GALK1: variants seen among roughly 807,000 people sequenced by gnomAD.
The protein encoded by GALK1 is galactokinase 1.
In GALK1, 30 loss-of-function variants were observed where a neutral mutation model predicts 38.6. The ratio of observed to expected loss-of-function variants is 0.78; its 90% CI spans 0.58 to 1.05. The LOEUF is 1.05. GALK1 is among the 50% of genes least tolerant of loss of function. The pLI is 0.00. For missense variants in GALK1, 512 were observed against 540.5 expected (o/e 0.95, Z 0.52); for synonymous variants, 240 against 233.6 (o/e 1.03, Z -0.25).
chr17:75,754,688 G>C (rs2061446220), downstream of GALK1: 8 of 1,614,070 alleles, frequency 5.0e-6, no homozygotes, highest in East Asian at 2.2e-5. Flanking sequence ...GCCCACACGT[G>C]CCCCACCGCG....
At chr17:75,756,769 G>A (rs12600339), downstream of GALK1, 5 of 1,612,840 alleles carry the variant, frequency 3.1e-6, no homozygotes, top group Non-Finnish European at 4.2e-6. Flanking sequence ...CCTGAGCCCA[G>A]ACTCGCTGCA....
At chr17:75,755,234 C>G, downstream of GALK1, 2 of 1,595,108 alleles carry the variant, frequency 1.3e-6, no homozygotes, top group Non-Finnish European at 1.7e-6. Context: ...GGTGGCCATC[C>G]TGTCTCCACA....
intron 8 of GALK1, chr17:75,752,107 T>G (rs2061379821): frequency 1.3e-6 from 2 of 1,528,290 alleles, no homozygotes; most frequent in Non-Finnish European, 1.8e-6. Context: ...CGTCCTGCTG[T>G]GTCAGGGGTG....
chr17:75,764,584 G>C (rs1291900198), intron 1 of GALK1: 2 of 449,668 alleles, frequency 4.4e-6, no homozygotes, highest in Non-Finnish European at 8.6e-6. Flanking sequence ...TGAACGGGCT[G>C]GGCCAGAAGG....
intron 4 of GALK1, 42 bp downstream of exon 4, chr17:75,762,972 G>A: frequency 6.2e-7 from 1 of 1,611,852 alleles, no homozygotes. Context: ...CCCAGGAGCT[G>A]CTGAGTGCAG....
rs767156604 is a variant in GALK1, at chr17:75,763,413, C to T, written c.382G>A (p.Val128Met). 1.2e-5 allele frequency: 20 copies of T among 1,610,054 alleles called. No homozygotes were observed. The highest frequency in any genetic ancestry group is 1.1e-4 in the East Asian group (5 of 44,710). Reference sequence around the variant, plus strand: ...CCCAGGGGCACTGAGCTGACCACCACTGCACTGAAGCCAGGGAGGGGGGCA... The same window carrying T: ...CCCAGGGGCACTGAGCTGACCACCATTGCACTGAAGCCAGGGAGGGGGGCA... ...PAAPLPGFSA[V>M]VVSSVPLGGG... is the part of the protein sequence containing the mutation. Residue 128 changes from valine (V) to methionine (M), a missense_variant, in exon 3 of 8, where the codon GTG becomes ATG. Val to Met is a conservative substitution (Grantham distance 21, BLOSUM62 1). Coordinates refer to ENST00000588479, the MANE Select transcript of GALK1 (RefSeq NM_000154.2).
Position 75,763,924 on chromosome 17 carries a change from C to CA in GALK1, c.327dup (p.Val110CysfsTer93). 1 of 1,613,832 alleles carries CA rather than the reference C, an allele frequency of 6.2e-7. No individual in the cohort carries two copies. Among genetic ancestry groups the CA allele is most frequent in the Non-Finnish European group, 8.5e-7 (1 of 1,179,994 alleles). ...GGGTAGTACTGAATCACTCCCTTGACATAGTTGGCCCACCGAGGAGTCCCA... is the reference window on the plus strand; with the variant it reads ...GGGTAGTACTGAATCACTCCCTTGACAATAGTTGGCCCACCGAGGAGTCCCA... On this transcript the variant is annotated frameshift_variant, in exon 2 of 8. Coordinates refer to ENST00000588479, the MANE Select transcript of GALK1 (RefSeq NM_000154.2). LOFTEE classifies it high-confidence loss of function.
chr17:75,753,969 C>T, downstream of GALK1: 1 of 1,258,460 alleles, frequency 7.9e-7, no homozygotes, highest in Non-Finnish European at 1.0e-6. Flanking sequence ...CCCGGGCCCC[C>T]CGGAGGTGAC....
chr17:75,755,195 G>T (rs1416322589), downstream of GALK1: 2 of 1,604,872 alleles, frequency 1.2e-6, no homozygotes, highest in South Asian at 1.1e-5. Context: ...GAGGCCAGCA[G>T]CGCCCTCCTG....
downstream of GALK1, chr17:75,756,397 CACT>C: frequency 6.2e-7 from 1 of 1,610,494 alleles, no homozygotes; most frequent in Non-Finnish European, 8.5e-7. Flanking sequence ...AGTAACACTG[CACT>C]ACTGTGTGCC....
intron 5 of GALK1, among the ~76,000 whole-genome samples, chr17:75,761,403 C>T (rs1054949469): frequency 2.0e-5 from 3 of 151,190 alleles, no homozygotes; most frequent in Admixed American, 6.6e-5. Flanking sequence ...GGGCAGATCA[C>T]GAGATCAGGA....
intron 5 of GALK1, among the ~76,000 whole-genome samples, chr17:75,761,717 T>A (rs2061588123): frequency 6.8e-6 from 1 of 147,782 alleles, no homozygotes; most frequent in Non-Finnish European, 1.5e-5. Context: ...TATGTTTAGT[T>A]TAAAAAAAAA....
downstream of GALK1, chr17:75,755,590 C>CGGTCA (rs2061478512): frequency 7.3e-7 from 1 of 1,377,314 alleles, no homozygotes; most frequent in African/African-American, 1.4e-5. Context: ...GTCCAGCCAG[C>CGGTCA]GGTCAGTGTA....
At position 75,765,152 on chromosome 17, in the gene GALK1, C is replaced by G. The variant is rs1210917595; in HGVS notation, c.-16G>C. The G allele has an allele frequency of 2.0e-6, 3 of 1,524,824 alleles. No individual in the cohort carries two copies. Among genetic ancestry groups the G allele is most frequent in the Non-Finnish European group, 2.6e-6 (3 of 1,139,606 alleles). The allele number at this position is 1,524,824 out of a possible 1,614,324, so 94.5% of individuals were successfully genotyped here. A position where few individuals can be genotyped will look rare whatever the true frequency, so the allele number is the denominator to read the frequency against. On this transcript the variant is annotated 5_prime_UTR_variant, in exon 1 of 8. Transcript: ENST00000588479. The stretch of plus-strand genomic sequence containing the variant: ...AAGCAGCCATGACGCGCGCCTGCAG[C>G]TCTGCACAGCTGCTCCGGCACAGCC...
chr17:75,753,660 G>A (rs2061419246), downstream of GALK1: 1 of 715,988 alleles, frequency 1.4e-6, no homozygotes, highest in African/African-American at 1.8e-5. Context: ...GATCCCGGGA[G>A]CTGGAGACGG....
downstream of GALK1, chr17:75,753,697 C>G: frequency 9.0e-7 from 1 of 1,106,614 alleles, no homozygotes; most frequent in Non-Finnish European, 1.2e-6. Flanking sequence ...CTACGGCCTT[C>G]CCCCGCCTGG....
Position 75,758,518 on chromosome 17 carries a change from G to T in GALK1, c.875C>A (p.Ala292Glu). 6.3e-7 allele frequency: 1 copy of T among 1,584,294 alleles called. No homozygotes were observed. ...VGEIRRTAQAAAALRRGDYRA... is the reference protein window; with the variant it reads ...VGEIRRTAQAEAALRRGDYRA... ...GTAGTCGCCACGTCTCAGGGCGGCC[G>T]CTGCCTGGGCCGTGCGCCGAATCTC... Residue 292 changes from alanine (A) to glutamate (E), a missense_variant, in exon 6 of 8, where the codon GCG (alanine) becomes GAG (glutamate). Ala to Glu is a moderately radical substitution (Grantham distance 107). Coordinates refer to ENST00000588479, the MANE Select transcript of GALK1 (RefSeq NM_000154.2).
chr17:75,756,895 A>C, downstream of GALK1: 1 of 1,611,696 alleles, frequency 6.2e-7, no homozygotes, highest in African/African-American at 1.3e-5. Flanking sequence ...TGGCCAGGGG[A>C]GGGGTAAAGA....
chr17:75,765,175 G>T lies in GALK1; in HGVS notation c.-39C>A, dbSNP rs1319528277. 5.7e-6 allele frequency: 8 copies of T among 1,406,102 alleles called. No individual in the cohort carries two copies. The highest frequency in any genetic ancestry group is 7.4e-6 in the Non-Finnish European group (8 of 1,084,712). The allele number at this position is 1,406,102 out of a possible 1,614,324, so 87.1% of individuals were successfully genotyped here. On this transcript the variant is annotated 5_prime_UTR_variant, in exon 1 of 8. The change creates a new upstream start codon in the 5' untranslated region. Coordinates refer to ENST00000588479, the MANE Select transcript of GALK1 (RefSeq NM_000154.2). Reference sequence around the variant, plus strand: ...AGCTCTGCACAGCTGCTCCGGCACAGCCCCGTCGGCGCGGGATGCTCGGGC... The same window carrying T: ...AGCTCTGCACAGCTGCTCCGGCACATCCCCGTCGGCGCGGGATGCTCGGGC...
Sources: gnomAD v4.1 joint callset for allele counts (sites outside exome capture counted in the v4.1 genomes callset) on GRCh38, gnomAD v4.1.1 for gene constraint, MANE v1.5 for transcripts, NCBI Gene and HGNC (gene_info 2026-07-23, HGNC 2026-07-21) for gene names.